Variants in PCDH17 observed in about 807,000 individuals in gnomAD.
PCDH17 encodes protocadherin 17, also known as protocadherin-17.
In PCDH17, 21 loss-of-function variants were observed where a neutral mutation model predicts 67.7. The ratio of observed to expected loss-of-function variants is 0.31; its 90% CI spans 0.22 to 0.45. The LOEUF (loss-of-function observed/expected upper bound fraction) is 0.45. Ranked by LOEUF, PCDH17 falls within the 20% of genes least tolerant of loss-of-function variation. The pLI is 1.00. For missense variants in PCDH17, 1,471 were observed against 1,564.8 expected (o/e 0.94, Z 1.01); for synonymous variants, 701 against 656.7 (o/e 1.07, Z -1.03).
At chr13:57,722,798 G>A (rs1955882489) in intron 3 of PCDH17, among the ~76,000 whole-genome samples, 1 of 151,578 alleles carries the variant, frequency 6.6e-6, no homozygotes, top group African/African-American at 2.4e-5. Flanking sequence ...TTTGTAGAGG[G>A]GTGTCTTGCT....
intron 1 of PCDH17, among the ~76,000 whole-genome samples, chr13:57,658,799 A>T (rs1172723157): frequency 9.7e-6 from 1 of 103,212 alleles, no homozygotes; most frequent in Non-Finnish European, 1.9e-5. Flanking sequence ...TTTTGTTTTG[A>T]GGCGGATTCT....
At chr13:57,653,859 C>A (rs575783352) in intron 1 of PCDH17, among the ~76,000 whole-genome samples, 1 of 151,992 alleles carries the variant, frequency 6.6e-6, no homozygotes, top group East Asian at 1.9e-4. Flanking sequence ...GTTCCCATGG[C>A]GGTACTGTTT....
Position 57,633,309 on chromosome 13 carries a change from A to C in PCDH17, c.763A>C (p.Asn255His). 6.2e-7 allele frequency: 1 copy of C among 1,613,314 alleles called. No individual in the cohort carries two copies. ...APSYLVELPE[N>H]APLGTVVIDL... ...ATCCTACTTGGTGGAACTGCCCGAG[A>C]ACGCTCCGCTGGGTACAGTGGTCAT... The change falls in exon 1 of 4, where the codon AAC (asparagine) becomes CAC (histidine). Residue 255 changes from asparagine (N) to histidine (H), a missense_variant. Physicochemically the swap from Asn to His is moderately conservative, Grantham distance 68 (BLOSUM62 1). Coordinates refer to ENST00000377918, the MANE Select transcript of PCDH17 (RefSeq NM_001040429.3). This position sits in a 1 kb window ranked among gnomAD's most constrained non-coding sequence, Gnocchi z 6.2.
At chr13:57,646,912 CA>C (rs1473046432) in intron 1 of PCDH17, among the ~76,000 whole-genome samples, 1 of 151,724 alleles carries the variant, frequency 6.6e-6, no homozygotes, top group Non-Finnish European at 1.5e-5. Context: ...AACCTTGATC[CA>C]GGGGGATGTC....
intron 1 of PCDH17, among the ~76,000 whole-genome samples, chr13:57,663,891 A>G (rs1208926651): frequency 1.3e-5 from 2 of 151,124 alleles, no homozygotes; most frequent in Non-Finnish European, 2.9e-5. Flanking sequence ...TTCTCTTGCT[A>G]TTCCTCAGAT....
chr13:57,692,284 C>T (rs1287799462), intron 3 of PCDH17, among the ~76,000 whole-genome samples: 1 of 151,196 alleles, frequency 6.6e-6, no homozygotes, highest in Non-Finnish European at 1.5e-5. Context: ...GTTTTTATTT[C>T]CATACATCAA....
At chr13:57,685,218 T>C (rs994462911) in intron 3 of PCDH17, among the ~76,000 whole-genome samples, 7 of 151,970 alleles carry the variant, frequency 4.6e-5, no homozygotes, top group Admixed American at 2.0e-4. Flanking sequence ...ACTTGGTCTC[T>C]TAGTACTATA....
At chr13:57,708,979 G>T (rs1955748077) in intron 3 of PCDH17, among the ~76,000 whole-genome samples, 1 of 151,224 alleles carries the variant, frequency 6.6e-6, no homozygotes, top group Admixed American at 6.6e-5. Flanking sequence ...CTAAGTTAGA[G>T]GCTCATAAAA....
Position 57,632,294 on chromosome 13 carries a change from C to G in PCDH17, c.-253C>G. ...AGCCGCAGGAAGCCACCGCCTTGCTCCAAGCCCCTGCAGCTCTGCTGCACC... is the reference window on the plus strand; with the variant it reads ...AGCCGCAGGAAGCCACCGCCTTGCTGCAAGCCCCTGCAGCTCTGCTGCACC... On this transcript the variant is annotated 5_prime_UTR_variant, in exon 1 of 4. Coordinates refer to ENST00000377918, the MANE Select transcript of PCDH17 (RefSeq NM_001040429.3). 5.4e-6 allele frequency: 3 copies of G among 550,820 alleles called. No homozygotes were observed. In the Admixed American group the frequency reaches 1.1e-4, roughly 19 times the overall value. The allele number at this position is 550,820 out of a possible 1,614,324, so 34.1% of individuals were successfully genotyped here.
chr13:57,634,544 C>A lies in PCDH17; in HGVS notation c.1998C>A (p.Thr666=), dbSNP rs201266461. 7 of 1,612,810 alleles carry A rather than the reference C, an allele frequency of 4.3e-6. No homozygotes were observed. The East Asian group carries it at 8.9e-5, about 21-fold the overall frequency. Residue 666 remains threonine (T), a synonymous_variant, in exon 1 of 4, where the codon ACC becomes ACA. Transcript: ENST00000377918. This position sits in a 1 kb window ranked among gnomAD's most constrained non-coding sequence, Gnocchi z 7.8. The stretch of plus-strand genomic sequence containing the variant: ...TGGTGGAGCTGGTGGTGAAGGTGAC[C>A]GACCACGGCAAGCCTACCCTGTCCG... The part of the protein sequence containing the change: ...TPVVELVVKV[T]DHGKPTLSAV...
intron 3 of PCDH17, among the ~76,000 whole-genome samples, chr13:57,723,296 T>C (rs943964195): frequency 6.6e-6 from 1 of 152,232 alleles, no homozygotes; most frequent in African/African-American, 2.4e-5. Flanking sequence ...AGAAATTGTT[T>C]TATCTTAAAA....
rs2137965787 is a variant in PCDH17 at position 57,632,512 on chromosome 13, T to A, written c.-35T>A. 6.3e-7 allele frequency: 1 copy of A among 1,592,652 alleles called. No individual in the cohort carries two copies. The highest frequency in any genetic ancestry group is 8.6e-7 in the Non-Finnish European group (1 of 1,169,440). Reference sequence around the variant, plus strand: ...CGCACTCCCTCTCTGGCTCCTCCAGTCCGATTGCTCCTGCCCCCACCTTAC... The same window carrying A: ...CGCACTCCCTCTCTGGCTCCTCCAGACCGATTGCTCCTGCCCCCACCTTAC... On this transcript the variant is annotated 5_prime_UTR_variant, in exon 1 of 4. Coordinates refer to ENST00000377918, the MANE Select transcript of PCDH17 (RefSeq NM_001040429.3).
chr13:57,643,246 T>C (rs1235065002), intron 1 of PCDH17, among the ~76,000 whole-genome samples: 1 of 151,584 alleles, frequency 6.6e-6, no homozygotes, highest in Non-Finnish European at 1.5e-5. Flanking sequence ...TATCAGTAGA[T>C]AAAATGAAAT....
At chr13:57,668,262 A>G (rs1007541790) in intron 3 of PCDH17, among the ~76,000 whole-genome samples, 9 of 152,164 alleles carry the variant, frequency 5.9e-5, no homozygotes, top group South Asian at 2.1e-4. Flanking sequence ...TTGAAACTTG[A>G]TATGTAAATA....
chr13:57,725,068 C>G lies in PCDH17; in HGVS notation c.3254C>G (p.Pro1085Arg), dbSNP rs1566250207. Residue 1085 changes from proline to arginine, a missense_variant, in exon 4 of 4, where the codon CCA becomes CGA. Pro to Arg is a moderately radical substitution (Grantham distance 103). This residue lies in a region of PCDH17 where 297 missense variants were observed against 298.6 expected (regional missense o/e 0.99). Coordinates refer to ENST00000377918, the MANE Select transcript of PCDH17 (RefSeq NM_001040429.3). ...DSQYLSPSKQ[P>R]RDPPFMASDQ... ...CAATATCTGTCACCTAGTAAGCAAC[C>G]AAGAGACCCTCCCTTCATGGCTTCC... is the stretch of plus-strand genomic sequence containing the variant. 6.2e-7 allele frequency: 1 copy of G among 1,614,094 alleles called. No individual in the cohort carries two copies. Among genetic ancestry groups the G allele is most frequent in the Non-Finnish European group, 8.5e-7 (1 of 1,179,988 alleles).
intron 3 of PCDH17, among the ~76,000 whole-genome samples, chr13:57,667,035 A>G (rs1955264164): frequency 6.6e-6 from 1 of 152,160 alleles, no homozygotes; most frequent in Non-Finnish European, 1.5e-5. Flanking sequence ...CCTGGGTATC[A>G]TTCATTAATC....
chr13:57,721,369 T>C lies in PCDH17; in HGVS notation c.2798-3243T>C, dbSNP rs138167569. The stretch of plus-strand genomic sequence containing the variant: ...GTTCAGGGTTTCTGGACTTGTTTTC[T>C]GGTGTATATATTGAATATATGCAAA... On this transcript the variant is annotated intron_variant, in intron 3 of 3. Transcript: ENST00000377918. Among the ~76,000 whole-genome samples the C allele has an allele frequency of 2.2e-3, 332 of 152,282 alleles. 2 individuals carry two copies. The highest frequency in any genetic ancestry group is 7.4e-3 in the African/African-American group (306 of 41,552).
At chr13:57,700,864 T>C (rs952700163) in intron 3 of PCDH17, among the ~76,000 whole-genome samples, 3 of 151,978 alleles carry the variant, frequency 2.0e-5, no homozygotes, top group Non-Finnish European at 4.4e-5. Context: ...AATTAACAGG[T>C]AAATAAGATG....
intron 2 of PCDH17, 35 bp downstream of exon 2, chr13:57,666,561 C>T: frequency 6.2e-7 from 1 of 1,609,328 alleles, no homozygotes; most frequent in Non-Finnish European, 8.5e-7. Context: ...TCAGCTTCCC[C>T]ATTTGCATTC....
Sources: gnomAD v4.1 joint callset for allele counts (sites outside exome capture counted in the v4.1 genomes callset) on GRCh38, gnomAD v4.1.1 for gene constraint, gnomAD v4.1.1 regional missense constraint, Gnocchi (gnomAD v3.1) non-coding constraint, MANE v1.5 for transcripts, NCBI Gene and HGNC (gene_info 2026-07-23, HGNC 2026-07-21) for gene names.